DTNB: variants seen among roughly 807,000 people sequenced by gnomAD.
DTNB encodes the protein DTN-B.
Under a neutral mutation model 90.7 loss-of-function variants are expected in DTNB, and 63 were observed. The observed-to-expected ratio is 0.69, with a 90% CI of 0.57 to 0.86. DTNB has a LOEUF of 0.86. Among genes scored for constraint, DTNB ranks in the 40% least tolerant of loss-of-function variants. The pLI is 0.00. For missense variants in DTNB, 744 were observed against 807.1 expected, an observed-to-expected ratio of 0.92 and a Z score of 0.95; for synonymous variants, 277 against 286.7, an observed-to-expected ratio of 0.97 and a Z score of 0.34.
intron 10 of DTNB, among the ~76,000 whole-genome samples, chr2:25,460,905 T>G (rs1486369006): frequency 2.0e-5 from 3 of 151,492 alleles, no homozygotes; most frequent in South Asian, 2.1e-4. Flanking sequence ...GTTTTTTGTT[T>G]TTTTTTTTTT....
chr2:25,454,635 G>A (rs1409999217), intron 11 of DTNB, among the ~76,000 whole-genome samples: 1 of 152,098 alleles, frequency 6.6e-6, no homozygotes, highest in Non-Finnish European at 1.5e-5. Context: ...GGACCTACCT[G>A]AAAGTAATAC....
chr2:25,534,339 G>A (rs1049761502), intron 8 of DTNB, among the ~76,000 whole-genome samples: 3 of 152,224 alleles, frequency 2.0e-5, no homozygotes, highest in South Asian at 2.1e-4. Context: ...ATAGATTAAC[G>A]CATCCCAAGG....
intron 12 of DTNB, among the ~76,000 whole-genome samples, chr2:25,437,442 A>G (rs1295021215): frequency 1.3e-5 from 2 of 152,034 alleles, no homozygotes; most frequent in African/African-American, 4.8e-5. Context: ...TTGTGTTTTA[A>G]GTAGGGACAG....
intron 8 of DTNB, among the ~76,000 whole-genome samples, chr2:25,557,154 A>G (rs1355526779): frequency 1.3e-5 from 2 of 152,196 alleles, no homozygotes; most frequent in Non-Finnish European, 2.9e-5. Context: ...GTCAGCTAAA[A>G]CCAAAAAAAG....
chr2:25,655,266 C>A (rs1261851693), intron 1 of DTNB, among the ~76,000 whole-genome samples: 2 of 152,184 alleles, frequency 1.3e-5, no homozygotes, highest in Non-Finnish European at 2.9e-5. Context: ...AGAGGGCGGT[C>A]TCCCCTGACT....
At chr2:25,520,334 C>T (rs1215186897) in intron 9 of DTNB, among the ~76,000 whole-genome samples, 1 of 152,052 alleles carries the variant, frequency 6.6e-6, no homozygotes, top group Non-Finnish European at 1.5e-5. Flanking sequence ...ATTCTGCCAC[C>T]GTACTCCAGC....
intron 10 of DTNB, among the ~76,000 whole-genome samples, chr2:25,479,032 C>A (rs1001526763): frequency 6.6e-6 from 1 of 152,148 alleles, no homozygotes; most frequent in African/African-American, 2.4e-5. Flanking sequence ...TGCTTTTTGC[C>A]TTTGCTTTGT....
chr2:25,458,411 TA>T (rs551224217), intron 10 of DTNB, among the ~76,000 whole-genome samples: 523 of 142,032 alleles, frequency 3.7e-3, no homozygotes, highest in Middle Eastern at 0.01. Context: ...AATCAACAGT[TA>T]AAAAAAAAAA....
chr2:25,378,180 CGA>C, intron 20 of DTNB, among the ~76,000 whole-genome samples: 1 of 152,298 alleles, frequency 6.6e-6, no homozygotes, highest in East Asian at 1.9e-4. Context: ...TCCTGCAGGG[CGA>C]GTCAGTTCCT....
chr2:25,480,519 G>A (rs902409637), intron 10 of DTNB, among the ~76,000 whole-genome samples: 2 of 152,162 alleles, frequency 1.3e-5, no homozygotes, highest in Non-Finnish European at 2.9e-5. Flanking sequence ...CTGAGGGGTA[G>A]GCCTCTACAG....
At chr2:25,380,510 C>T (rs1373046783) in intron 19 of DTNB, among the ~76,000 whole-genome samples, 2 of 152,256 alleles carry the variant, frequency 1.3e-5, no homozygotes, top group African/African-American at 4.8e-5. Flanking sequence ...TTAGGGATGA[C>T]ACCAGAAAGT....
chr2:25,468,249 GC>G (rs2062147731), intron 10 of DTNB, among the ~76,000 whole-genome samples: 1 of 152,168 alleles, frequency 6.6e-6, no homozygotes, highest in Admixed American at 6.5e-5. Flanking sequence ...AAGGAAGATA[GC>G]TGCACCATTC....
chr2:25,578,393 C>A (rs925713165), intron 7 of DTNB, among the ~76,000 whole-genome samples: 10 of 152,178 alleles, frequency 6.6e-5, no homozygotes, highest in African/African-American at 2.4e-4. Flanking sequence ...GAGAACAGGA[C>A]TCCCTCAATC....
At chr2:25,556,822 T>C (rs772305001) in intron 8 of DTNB, among the ~76,000 whole-genome samples, 6 of 152,118 alleles carry the variant, frequency 3.9e-5, no homozygotes, top group Admixed American at 3.3e-4. Flanking sequence ...GAAACTAGAA[T>C]CGCAGATTCA....
At chr2:25,417,338 A>C (rs2048232716) in intron 16 of DTNB, among the ~76,000 whole-genome samples, 1 of 152,232 alleles carries the variant, frequency 6.6e-6, no homozygotes. Context: ...AAGGTCACTG[A>C]AATGGACACG....
intron 16 of DTNB, among the ~76,000 whole-genome samples, chr2:25,414,344 C>A (rs1363664229): frequency 6.6e-6 from 1 of 152,158 alleles, no homozygotes; most frequent in Admixed American, 6.5e-5. Flanking sequence ...GTGAGCTCCG[C>A]CTCCTGGGTT....
chr2:25,673,260 C>T (rs1175505731), intron 1 of DTNB, 126 bp downstream of exon 1: 1 of 151,816 alleles, frequency 6.6e-6, no homozygotes, highest in Non-Finnish European at 1.5e-5. Flanking sequence ...TCCTGCAGCG[C>T]CGCACCCGCA....
chr2:25,392,366 C>A lies in DTNB; in HGVS notation c.1576-4005G>T, dbSNP rs932001100. On this transcript the variant is annotated intron_variant, in intron 16 of 20. Coordinates refer to ENST00000406818, the MANE Select transcript of DTNB (RefSeq NM_021907.5). The stretch of plus-strand genomic sequence containing the variant: ...TGGAGGCTGCAGTGAGCTGAGATCA[C>A]ACCACTGTACACCAGCCTGGGCAAC... Among the ~76,000 whole-genome samples the A allele has an allele frequency of 2.6e-5, 4 of 152,176 alleles. No individual in the cohort carries two copies. In the South Asian group the frequency reaches 8.3e-4, roughly 32 times the overall value.
intron 8 of DTNB, among the ~76,000 whole-genome samples, chr2:25,564,384 T>C (rs1434505663): frequency 2.0e-5 from 3 of 152,132 alleles, no homozygotes; most frequent in South Asian, 2.1e-4. Context: ...ATTTCTTCTT[T>C]TTGTTATTTT....
Sources: gnomAD v4.1 joint callset for allele counts (sites outside exome capture counted in the v4.1 genomes callset) on GRCh38, gnomAD v4.1.1 for gene constraint, MANE v1.5 for transcripts, NCBI Gene and HGNC (gene_info 2026-07-23, HGNC 2026-07-21) for gene names.